PTPRQ: variants seen among roughly 807,000 people sequenced by gnomAD.
PTPRQ encodes phosphatidylinositol phosphatase PTPRQ.
A neutral mutation model predicts 246.0 loss-of-function variants in PTPRQ; 199 were observed. The ratio of observed to expected loss-of-function variants is 0.81; its 90% confidence interval spans 0.72 to 0.91. The LOEUF (loss-of-function observed/expected upper bound fraction) is 0.91. Ranked by LOEUF, PTPRQ falls within the 40% of genes least tolerant of loss-of-function variation. The pLI is 0.00. For synonymous variants in PTPRQ, 869 were observed against 853.2 expected, an observed-to-expected ratio of 1.02 and a Z score of -0.32; for missense variants, 2,624 against 2,528.4, an observed-to-expected ratio of 1.04 and a Z score of -0.81.
intron 8 of PTPRQ, among the ~76,000 whole-genome samples, chr12:80,477,841 C>G (rs560052341): frequency 6.6e-6 from 1 of 152,332 alleles, no homozygotes; most frequent in African/African-American, 2.4e-5. Flanking sequence ...AAACGGCGCA[C>G]CACGAGATTA....
intron 25 of PTPRQ, among the ~76,000 whole-genome samples, chr12:80,580,517 C>A (rs148902594): frequency 1.3e-5 from 2 of 152,096 alleles, no homozygotes; most frequent in African/African-American, 2.4e-5. Flanking sequence ...TTCAATAGGG[C>A]AGTTGCCTTG....
chr12:80,654,873 A>G (rs997373117), intron 38 of PTPRQ, among the ~76,000 whole-genome samples: 28 of 151,720 alleles, frequency 1.8e-4, no homozygotes, highest in African/African-American at 6.0e-4. Context: ...AAATAATAAT[A>G]ATAATTAATT....
intron 38 of PTPRQ, among the ~76,000 whole-genome samples, chr12:80,656,557 A>T (rs761432569): frequency 1.2e-4 from 18 of 152,114 alleles, no homozygotes; most frequent in Non-Finnish European, 2.4e-4. Context: ...GGATGTTTCA[A>T]TTATAATATC....
intron 28 of PTPRQ, 23 bp from the exon 29 acceptor site, chr12:80,613,569 A>G: frequency 6.8e-7 from 1 of 1,474,996 alleles, no homozygotes; most frequent in Admixed American, 2.6e-5. Flanking sequence ...TTTAAAAATT[A>G]ATTGTTAAAT....
At position 80,482,488 on chromosome 12, in the gene PTPRQ, C is replaced by G. The variant is rs1347757270; in HGVS notation, c.1187-1945C>G. On this transcript the variant is annotated intron_variant, in intron 8 of 44. Coordinates refer to ENST00000644991, the MANE Select transcript of PTPRQ (RefSeq NM_001145026.2). ...GGGCAAGGACTTCATGTCTAAAACA[C>G]CAAAAGCAATGGCAACAAAAGACAA... Among the ~76,000 whole-genome samples the G allele has an allele frequency of 8.9e-4, 134 of 151,402 alleles. 2 individuals carry two copies. In the East Asian group the frequency reaches 0.017, roughly 19 times the overall value.
intron 17 of PTPRQ, among the ~76,000 whole-genome samples, chr12:80,515,425 CTTT>C (rs35189865): frequency 4.2e-5 from 6 of 144,106 alleles, no homozygotes; most frequent in African/African-American, 5.1e-5. Context: ...TGAATATTTC[CTTT>C]TTTTTTTTTT....
chr12:80,638,304 G>A (rs775326609), intron 35 of PTPRQ, among the ~76,000 whole-genome samples: 5 of 150,418 alleles, frequency 3.3e-5, no homozygotes, highest in South Asian at 2.1e-4. Context: ...GCTAACATAC[G>A]CTCTCTCTAC....
intron 12 of PTPRQ, 94 bp downstream of exon 12, chr12:80,495,465 C>G: frequency 7.2e-7 from 1 of 1,391,456 alleles, no homozygotes; most frequent in South Asian, 1.7e-5. Flanking sequence ...TTATATACTA[C>G]AGAACACATG....
chr12:80,502,193 A>C (rs1178532876), intron 14 of PTPRQ, among the ~76,000 whole-genome samples: 1 of 151,896 alleles, frequency 6.6e-6, no homozygotes, highest in Admixed American at 6.6e-5. Flanking sequence ...AGGAGGAAAG[A>C]GGGAAGGCAG....
At chr12:80,600,332 T>C (rs1898101670) in intron 26 of PTPRQ, among the ~76,000 whole-genome samples, 1 of 151,574 alleles carries the variant, frequency 6.6e-6, no homozygotes, top group Non-Finnish European at 1.5e-5. Flanking sequence ...GATTGCAGGG[T>C]TGACATTTTA....
chr12:80,473,465 G>C (rs17006812), intron 8 of PTPRQ, among the ~76,000 whole-genome samples: 10,978 of 152,138 alleles, frequency 0.072, 1,046 homozygotes, highest in African/African-American at 0.21. Context: ...CCTTGATTTT[G>C]GTCTTAATAG....
intron 25 of PTPRQ, 89 bp downstream of exon 25, chr12:80,549,823 A>G: frequency 2.1e-6 from 3 of 1,428,710 alleles, no homozygotes; most frequent in Non-Finnish European, 2.8e-6. Context: ...TAGCATACTT[A>G]TCTAAACATA....
At chr12:80,546,968 G>A (rs1348908170) in intron 24 of PTPRQ, 7 of 266,746 alleles carry the variant, frequency 2.6e-5, no homozygotes, top group African/African-American at 1.6e-4. Context: ...CTAGATATCT[G>A]TGAAAATTAC....
At chr12:80,502,008 A>C (rs1217083889) in intron 14 of PTPRQ, among the ~76,000 whole-genome samples, 1 of 151,986 alleles carries the variant, frequency 6.6e-6, no homozygotes, top group South Asian at 2.1e-4. Context: ...TGGAGAGTAG[A>C]CTTCAGTAAT....
At chr12:80,649,536 C>T (rs966211965) in intron 36 of PTPRQ, 52 bp from the exon 37 acceptor site, 23 of 1,531,302 alleles carry the variant, frequency 1.5e-5, no homozygotes, top group Admixed American at 6.2e-5. Flanking sequence ...AATGCTAACG[C>T]GAACAAATAC....
intron 27 of PTPRQ, among the ~76,000 whole-genome samples, chr12:80,608,687 T>G (rs1898429498): frequency 6.7e-6 from 1 of 149,688 alleles, no homozygotes; most frequent in Non-Finnish European, 1.5e-5. Context: ...AAATCCTTCC[T>G]CTGCTACTAA....
intron 18 of PTPRQ, 37 bp downstream of exon 18, chr12:80,534,212 T>C: frequency 7.0e-7 from 1 of 1,430,286 alleles, no homozygotes; most frequent in Non-Finnish European, 9.2e-7. Flanking sequence ...AAGAATGTTC[T>C]TTTTCTTTAA....
intron 9 of PTPRQ, among the ~76,000 whole-genome samples, chr12:80,491,774 CT>C (rs1380623567): frequency 6.6e-6 from 1 of 151,836 alleles, no homozygotes; most frequent in African/African-American, 2.4e-5. Flanking sequence ...TGAGCACCTA[CT>C]TTCTTTTTTG....
At chr12:80,547,481 C>T (rs1398580708) in intron 24 of PTPRQ, among the ~76,000 whole-genome samples, 4 of 151,990 alleles carry the variant, frequency 2.6e-5, no homozygotes, top group African/African-American at 4.8e-5. Flanking sequence ...ATCTTTAAAT[C>T]GAGATTGTAG....
Sources: allele counts gnomAD v4.1 joint callset (sites outside exome capture counted in the v4.1 genomes callset), GRCh38; gene constraint gnomAD v4.1.1; transcripts MANE v1.5; gene names NCBI Gene and HGNC (gene_info 2026-07-23, HGNC 2026-07-21).